The following KCNQ5 variants were observed in gnomAD, a reference collection of about 807,000 sequenced individuals.
KCNQ5 encodes the protein potassium voltage-gated channel subfamily KQT member 5.
Under a neutral mutation model 98.2 loss-of-function variants are expected in KCNQ5, and 30 were observed. The observed-to-expected ratio is 0.31, with a 90% CI of 0.23 to 0.41. KCNQ5 has a LOEUF of 0.41. Ranked by LOEUF, KCNQ5 falls within the 10% of genes least tolerant of loss-of-function variation. KCNQ5 has a pLI of 1.00. For synonymous variants in KCNQ5, 458 were observed against 449.4 expected, an observed-to-expected ratio of 1.02 and a Z score of -0.24; for missense variants, 835 against 1,182.5, an observed-to-expected ratio of 0.71 and a Z score of 4.31.
intron 1 of KCNQ5, among the ~76,000 whole-genome samples, chr6:72,899,247 A>C (rs1197275414): frequency 6.6e-6 from 1 of 152,156 alleles, no homozygotes; most frequent in East Asian, 1.9e-4. Flanking sequence ...CTGATATTCC[A>C]TGTTTTTCTC....
At chr6:72,748,314 C>T (rs1216995828) in intron 1 of KCNQ5, among the ~76,000 whole-genome samples, 1 of 152,014 alleles carries the variant, frequency 6.6e-6, no homozygotes, top group Non-Finnish European at 1.5e-5. Flanking sequence ...TTGTATGTAG[C>T]CTTTCTGTCA....
At chr6:72,915,903 T>C (rs1311981349) in intron 1 of KCNQ5, among the ~76,000 whole-genome samples, 1 of 152,204 alleles carries the variant, frequency 6.6e-6, no homozygotes, top group Non-Finnish European at 1.5e-5. Context: ...ATGAGGGACA[T>C]AGATGCTACT....
At position 72,983,977 on chromosome 6, in the gene KCNQ5, C is replaced by T. The variant is rs1296115662; in HGVS notation, c.399-19931C>T. ...GAGTTTGCTGGCGGTCCACTCCTGG[C>T]GGTCCACTCCAGACCCTGTTTTCCT... On this transcript the variant is annotated intron_variant, in intron 1 of 13. Transcript: ENST00000370398. Among the ~76,000 whole-genome samples the T allele has an allele frequency of 5.3e-5, 8 of 152,102 alleles. No individual in the cohort carries two copies. In the East Asian group the frequency reaches 7.7e-4, roughly 15 times the overall value.
chr6:72,880,602 G>GAAA, intron 1 of KCNQ5, among the ~76,000 whole-genome samples: 1 of 152,148 alleles, frequency 6.6e-6, no homozygotes, highest in African/African-American at 2.4e-5. Flanking sequence ...ACAGACATAT[G>GAAA]TGTGTATCTG....
intron 11 of KCNQ5, among the ~76,000 whole-genome samples, chr6:73,170,467 C>T (rs2150504350): frequency 6.9e-6 from 1 of 145,806 alleles, no homozygotes; most frequent in Non-Finnish European, 1.5e-5. Context: ...CACACGCAAT[C>T]AAGATCTGGA....
intron 1 of KCNQ5, among the ~76,000 whole-genome samples, chr6:72,902,432 G>A (rs529417760): frequency 6.6e-6 from 1 of 152,174 alleles, no homozygotes; most frequent in Non-Finnish European, 1.5e-5. Flanking sequence ...TTCTAAGAGG[G>A]AATGCTTTCA....
Position 73,197,886 on chromosome 6 carries a change from C to T in KCNQ5, c.*2472C>T, listed in dbSNP as rs1765855268. On this transcript the variant is annotated 3_prime_UTR_variant, in exon 14 of 14. Coordinates refer to ENST00000370398, the MANE Select transcript of KCNQ5 (RefSeq NM_019842.4). ...TTGCTGACGACTGAAGATTCAGAAA[C>T]AAAACCTACACACAGCACTGAGGTC... The T allele has an allele frequency of 6.6e-6, 1 of 152,218 alleles. No individual in the cohort carries two copies. Among genetic ancestry groups the T allele is most frequent in the African/African-American group, 2.4e-5 (1 of 41,446 alleles). The allele number at this position is 152,218 out of a possible 1,614,324, so 9.4% of individuals were successfully genotyped here.
At chr6:72,902,551 A>G (rs1025123813) in intron 1 of KCNQ5, among the ~76,000 whole-genome samples, 9 of 152,182 alleles carry the variant, frequency 5.9e-5, no homozygotes, top group Non-Finnish European at 8.8e-5. Flanking sequence ...TTAATCATAA[A>G]GAGGTGCTGG....
intron 2 of KCNQ5, among the ~76,000 whole-genome samples, chr6:73,010,001 G>C (rs1011733689): frequency 6.6e-6 from 1 of 151,914 alleles, no homozygotes; most frequent in Non-Finnish European, 1.5e-5. Context: ...TAAAAAAGAA[G>C]CAACACTTCC....
intron 1 of KCNQ5, among the ~76,000 whole-genome samples, chr6:72,663,087 T>C (rs1766609692): frequency 1.3e-5 from 2 of 151,714 alleles, no homozygotes; most frequent in African/African-American, 4.8e-5. Context: ...AGTAGAACAA[T>C]GAGAACACGT....
chr6:73,062,142 G>A (rs1425824287), intron 3 of KCNQ5, among the ~76,000 whole-genome samples: 1 of 152,136 alleles, frequency 6.6e-6, no homozygotes, highest in East Asian at 1.9e-4. Context: ...AAAGGATGTG[G>A]TTTAATTAGA....
At chr6:72,956,147 C>G (rs1288144126) in intron 1 of KCNQ5, among the ~76,000 whole-genome samples, 2 of 152,174 alleles carry the variant, frequency 1.3e-5, no homozygotes, top group Non-Finnish European at 2.9e-5. Flanking sequence ...GCTTTTTGTG[C>G]TAAATCCTTT....
At chr6:73,168,819 G>C (rs9293924) in intron 10 of KCNQ5, among the ~76,000 whole-genome samples, 285 of 152,190 alleles carry the variant, frequency 1.9e-3, no homozygotes, top group African/African-American at 6.7e-3. Context: ...AGAAATGTTA[G>C]AAAATACAGG....
At chr6:72,736,625 A>G (rs200139799) in intron 1 of KCNQ5, among the ~76,000 whole-genome samples, 46 of 143,266 alleles carry the variant, frequency 3.2e-4, no homozygotes, top group South Asian at 9.1e-4. Context: ...TCAGCCTCCC[A>G]AGTAGCTGGG....
intron 1 of KCNQ5, among the ~76,000 whole-genome samples, chr6:72,947,720 C>T (rs1426552877): frequency 6.6e-6 from 1 of 152,100 alleles, no homozygotes; most frequent in African/African-American, 2.4e-5. Flanking sequence ...TCTCTCAGTC[C>T]ATCAGTCAAC....
At chr6:73,139,530 C>T (rs539043387) in intron 10 of KCNQ5, among the ~76,000 whole-genome samples, 1 of 152,236 alleles carries the variant, frequency 6.6e-6, no homozygotes, top group African/African-American at 2.4e-5. Flanking sequence ...AATATTCTGT[C>T]TATATGTCAT....
chr6:72,692,465 C>A (rs1007408841), intron 1 of KCNQ5, among the ~76,000 whole-genome samples: 1 of 152,164 alleles, frequency 6.6e-6, no homozygotes, highest in African/African-American at 2.4e-5. Flanking sequence ...CTCTTTCCTT[C>A]CTCTACACTT....
chr6:72,791,375 A>G (rs146149833), intron 1 of KCNQ5, among the ~76,000 whole-genome samples: 1 of 152,284 alleles, frequency 6.6e-6, no homozygotes, highest in African/African-American at 2.4e-5. Flanking sequence ...AATTCCCTTG[A>G]CATCATATTT....
chr6:72,710,501 T>C (rs1361735039), intron 1 of KCNQ5, among the ~76,000 whole-genome samples: 1 of 152,136 alleles, frequency 6.6e-6, no homozygotes, highest in Non-Finnish European at 1.5e-5. Flanking sequence ...GGATAAATTA[T>C]TACATGCCAA....
Sources: allele counts gnomAD v4.1 joint callset (sites outside exome capture counted in the v4.1 genomes callset), GRCh38; gene constraint gnomAD v4.1.1; transcripts MANE v1.5; gene names NCBI Gene and HGNC (gene_info 2026-07-23, HGNC 2026-07-21).